GPATCH8: variants seen among roughly 807,000 people sequenced by gnomAD.
GPATCH8 encodes the protein G patch domain-containing protein 8.
Under a neutral mutation model 118.3 loss-of-function variants are expected in GPATCH8, and 18 were observed. The ratio of observed to expected loss-of-function variants is 0.15; its 90% CI spans 0.11 to 0.23. The LOEUF is 0.23. GPATCH8 is among the 10% of genes least tolerant of loss of function. The pLI, the probability that GPATCH8 is intolerant of heterozygous loss-of-function variation, is 1.00. For missense variants in GPATCH8, 1,631 were observed against 1,873.8 expected (o/e 0.87, Z 2.39); for synonymous variants, 659 against 684.7 (o/e 0.96, Z 0.59).
At chr17:44,404,366 C>A (rs1365548915) in intron 7 of GPATCH8, among the ~76,000 whole-genome samples, 2 of 151,942 alleles carry the variant, frequency 1.3e-5, no homozygotes, top group African/African-American at 4.8e-5. Context: ...TGGTCTTGAG[C>A]TCCTGGGTTC....
chr17:44,496,459 A>G (rs1251852328), intron 1 of GPATCH8, among the ~76,000 whole-genome samples: 2 of 152,234 alleles, frequency 1.3e-5, no homozygotes, highest in Non-Finnish European at 2.9e-5. Flanking sequence ...TTTGAAATCA[A>G]TGTAATTACC....
chr17:44,454,846 A>C (rs2051266166), intron 3 of GPATCH8, among the ~76,000 whole-genome samples: 1 of 152,206 alleles, frequency 6.6e-6, no homozygotes, highest in Non-Finnish European at 1.5e-5. Flanking sequence ...AAAAGGTCAA[A>C]GGCTCTACAA....
chr17:44,426,176 AC>A (rs1177572467), intron 5 of GPATCH8, among the ~76,000 whole-genome samples: 17 of 152,242 alleles, frequency 1.1e-4, no homozygotes, highest in African/African-American at 4.1e-4. Context: ...CATCTCTTGC[AC>A]TCATCAAGAA....
Position 44,415,227 on chromosome 17 carries a change from T to C in GPATCH8, c.492+9122A>G, listed in dbSNP as rs183783568. 2.3e-3 allele frequency among the ~76,000 whole-genome samples: 355 copies of C among 152,358 alleles called. 2 individuals carry two copies. Among genetic ancestry groups the C allele is most frequent in the African/African-American group, 8.1e-3 (337 of 41,582 alleles). ...CTCCAACACTTTGTTAGAGTACCATTTTTATTTTAGCCATCCCAGTGGGTA... is the reference window on the plus strand; with the variant it reads ...CTCCAACACTTTGTTAGAGTACCATCTTTATTTTAGCCATCCCAGTGGGTA... On this transcript the variant is annotated intron_variant, in intron 6 of 7. Transcript: ENST00000591680.
intron 2 of GPATCH8, among the ~76,000 whole-genome samples, chr17:44,468,271 T>A (rs1966966499): frequency 6.6e-6 from 1 of 151,628 alleles, no homozygotes; most frequent in African/African-American, 2.4e-5. Context: ...CCACGACTGG[T>A]CCATGGATGC....
chr17:44,462,985 T>TATATATAA (rs1555640251), intron 3 of GPATCH8, among the ~76,000 whole-genome samples: 19 of 149,528 alleles, frequency 1.3e-4, no homozygotes, highest in Non-Finnish European at 2.5e-4. Context: ...CACTTCAAAA[T>TATATATAA]ATAAATAAAT....
intron 6 of GPATCH8, among the ~76,000 whole-genome samples, chr17:44,410,315 A>G (rs1224531658): frequency 7.9e-5 from 12 of 152,244 alleles, no homozygotes; most frequent in Admixed American, 7.9e-4. Context: ...GTGAGAATAG[A>G]GAAACATGCC....
intron 1 of GPATCH8, among the ~76,000 whole-genome samples, chr17:44,489,836 T>C (rs1018652160): frequency 6.6e-6 from 1 of 152,200 alleles, no homozygotes; most frequent in Non-Finnish European, 1.5e-5. Context: ...CTTAGACTTA[T>C]CAGGATCATT....
chr17:44,437,118 T>C (rs2050538472), intron 3 of GPATCH8, among the ~76,000 whole-genome samples: 1 of 152,212 alleles, frequency 6.6e-6, no homozygotes, highest in African/African-American at 2.4e-5. Context: ...TTAATGGGGC[T>C]GTGAAAAGTT....
chr17:44,459,751 G>C (rs1260490839), intron 3 of GPATCH8, among the ~76,000 whole-genome samples: 1 of 152,006 alleles, frequency 6.6e-6, no homozygotes, highest in African/African-American at 2.4e-5. Flanking sequence ...AGCAAGACTT[G>C]AGGGACTGGG....
At chr17:44,503,229 G>A (rs1970229016) in intron 1 of GPATCH8, 97 bp downstream of exon 1, 9 of 1,167,290 alleles carry the variant, frequency 7.7e-6, no homozygotes, top group South Asian at 3.9e-5. Context: ...GCAAGTCGGA[G>A]CAAAACTGGA....
In GPATCH8 at chr17:44,401,442, C is replaced by G. The variant is rs773542638; in HGVS notation, c.635G>C (p.Ser212Thr). Residue 212 changes from serine (S) to threonine (T), a missense_variant, in exon 8 of 8, where the codon AGT becomes ACT. Physicochemically the swap from Ser to Thr is moderately conservative, Grantham distance 58. Around this residue, in one of 8 missense-constraint regions of GPATCH8, gnomAD observed 405 missense variants for 462.7 expected, o/e 0.88. Transcript: ENST00000591680. ...TGTGGTTGGTTTGAACATGGGACCA[C>G]TTCCAGGTGCACTACATGATGATTT... ...QRKQAECAPG[S>T]GPMFKPTTVA... 6.2e-7 allele frequency: 1 copy of G among 1,602,362 alleles called. No homozygotes were observed. Among genetic ancestry groups the G allele is most frequent in the Non-Finnish European group, 8.6e-7 (1 of 1,169,312 alleles).
rs2050850070 is a variant in GPATCH8, at chr17:44,445,596, C to T, written c.194-9051G>A. ...TCTCGGCTCACTGCAACCTTCACTTCCTAGGTTCAAGCGATTCTCCTGCCT... is the reference window on the plus strand; with the variant it reads ...TCTCGGCTCACTGCAACCTTCACTTTCTAGGTTCAAGCGATTCTCCTGCCT... On this transcript the variant is annotated intron_variant, in intron 3 of 7. Coordinates refer to ENST00000591680, the MANE Select transcript of GPATCH8 (RefSeq NM_001002909.4). Among the ~76,000 whole-genome samples the T allele has an allele frequency of 2.6e-5, 4 of 151,948 alleles. No individual in the cohort carries two copies. The South Asian group carries it at 8.3e-4, about 32-fold the overall frequency.
intron 1 of GPATCH8, among the ~76,000 whole-genome samples, chr17:44,492,026 G>A (rs527696171): frequency 3.2e-4 from 48 of 152,216 alleles, no homozygotes; most frequent in African/African-American, 1.0e-3. Context: ...ACAGCCAGAC[G>A]TGGTGGCTCA....
intron 6 of GPATCH8, among the ~76,000 whole-genome samples, chr17:44,417,387 G>T (rs1454048954): frequency 6.6e-6 from 1 of 152,124 alleles, no homozygotes; most frequent in African/African-American, 2.4e-5. Flanking sequence ...GCTAATTTTT[G>T]GGGGCATTTT....
At chr17:44,414,087 G>GTA (rs71136012) in intron 6 of GPATCH8, among the ~76,000 whole-genome samples, 2,350 of 128,454 alleles carry the variant, frequency 0.018, 62 homozygotes, top group African/African-American at 0.062. Flanking sequence ...ATATGTGTGT[G>GTA]TATATATATA....
At chr17:44,461,026 T>C (rs1385312088) in intron 3 of GPATCH8, among the ~76,000 whole-genome samples, 3 of 152,172 alleles carry the variant, frequency 2.0e-5, no homozygotes, top group Non-Finnish European at 4.4e-5. Flanking sequence ...AGAATAAGGC[T>C]CCATTCTTTT....
At chr17:44,419,332 T>C (rs1484259043) in intron 6 of GPATCH8, among the ~76,000 whole-genome samples, 1 of 152,214 alleles carries the variant, frequency 6.6e-6, no homozygotes, top group Non-Finnish European at 1.5e-5. Context: ...AGACAGGGTG[T>C]CTTTATGATT....
Position 44,397,877 on chromosome 17 carries a change from T to A in GPATCH8, c.4200A>T (p.Gln1400His), listed in dbSNP as rs746213491. Reference protein sequence around the residue: ...AIGIHPHPHPQPLAQVHHIPQ... With the variant: ...AIGIHPHPHPHPLAQVHHIPQ... ...GAATATGATGCACCTGGGCAAGTGGTTGGGGATGGGGGTGAGGGTGAATGC... is the reference window on the plus strand; with the variant it reads ...GAATATGATGCACCTGGGCAAGTGGATGGGGATGGGGGTGAGGGTGAATGC... The change falls in exon 8 of 8, where the codon CAA becomes CAT. Residue 1400 changes from glutamine (Q) to histidine (H), a missense_variant. Coordinates refer to ENST00000591680, the MANE Select transcript of GPATCH8 (RefSeq NM_001002909.4). 1 of 1,607,896 alleles carries A rather than the reference T, an allele frequency of 6.2e-7. No homozygotes were observed. The highest frequency in any genetic ancestry group is 8.5e-7 in the Non-Finnish European group (1 of 1,175,294).
Sources: allele counts gnomAD v4.1 joint callset (sites outside exome capture counted in the v4.1 genomes callset), GRCh38; gene constraint gnomAD v4.1.1; regional missense constraint gnomAD v4.1.1; transcripts MANE v1.5; gene names NCBI Gene and HGNC (gene_info 2026-07-23, HGNC 2026-07-21).